Variants in RYK observed in about 807,000 individuals in gnomAD.
RYK encodes the protein receptor like tyrosine kinase, also known as inactive tyrosine-protein kinase RYK.
Under a neutral mutation model 70.2 loss-of-function variants are expected in RYK, and 21 were observed. That is an observed-to-expected ratio of 0.30 (90% CI 0.21 to 0.43). RYK has a LOEUF of 0.43. RYK is among the 20% of genes least tolerant of loss of function. The probability of loss-of-function intolerance (pLI) is 1.00; values close to 1 mark genes in which losing one functional copy is unlikely to be tolerated. For missense variants in RYK, 604 were observed against 753.3 expected (o/e 0.80, Z 2.32); for synonymous variants, 267 against 278.0 (o/e 0.96, Z 0.39).
chr3:134,214,523 C>A (rs554252240), intron 2 of RYK, among the ~76,000 whole-genome samples: 2 of 152,192 alleles, frequency 1.3e-5, no homozygotes, highest in African/African-American at 4.8e-5. Context: ...GTCATATTGG[C>A]ACCTTCAGCT....
intron 6 of RYK, among the ~76,000 whole-genome samples, chr3:134,200,342 A>G (rs1053099827): frequency 8.5e-4 from 129 of 152,304 alleles, no homozygotes; most frequent in African/African-American, 2.9e-3. Context: ...TTTAAGAGCT[A>G]TAACACTCAC....
At chr3:134,171,899 C>T (rs2012925978) in intron 13 of RYK, among the ~76,000 whole-genome samples, 1 of 152,034 alleles carries the variant, frequency 6.6e-6, no homozygotes, top group Admixed American at 6.6e-5. Flanking sequence ...TGGGGGCCTC[C>T]ACTGTGCAAG....
chr3:134,209,329 C>T (rs1468615038), intron 4 of RYK, among the ~76,000 whole-genome samples: 3 of 152,188 alleles, frequency 2.0e-5, no homozygotes, highest in Non-Finnish European at 4.4e-5. Flanking sequence ...CTATCTCACC[C>T]GAGAGCAATG....
At chr3:134,192,044 A>G (rs575814639) in intron 7 of RYK, 70 bp from the exon 8 acceptor site, 1 of 1,492,402 alleles carries the variant, frequency 6.7e-7, no homozygotes, top group African/African-American at 1.4e-5. Flanking sequence ...CAACTAGTTC[A>G]GTTAGAACCT....
chr3:134,163,015 A>G (rs1440710928), intron 13 of RYK, among the ~76,000 whole-genome samples: 2 of 152,254 alleles, frequency 1.3e-5, no homozygotes, highest in African/African-American at 4.8e-5. Context: ...GGTATTTGAG[A>G]TCTGGAGTTG....
At chr3:134,211,663 T>A (rs776639855) in intron 2 of RYK, 56 bp from the exon 3 acceptor site, 160 of 1,139,314 alleles carry the variant, frequency 1.4e-4, no homozygotes, top group Middle Eastern at 5.8e-4. Flanking sequence ...AAGGATACTA[T>A]CAGCTTGACT....
intron 7 of RYK, 78 bp downstream of exon 7, chr3:134,195,004 A>G: frequency 1.0e-6 from 1 of 976,878 alleles, no homozygotes; most frequent in South Asian, 1.4e-5. Flanking sequence ...TCCCACAAGT[A>G]CACTAACCAT....
chr3:134,198,892 T>TG (rs1172372083), intron 6 of RYK, among the ~76,000 whole-genome samples: 3 of 152,102 alleles, frequency 2.0e-5, no homozygotes, highest in African/African-American at 7.2e-5. Context: ...AGTAATGGCA[T>TG]GGGGGCGGTG....
intron 2 of RYK, among the ~76,000 whole-genome samples, chr3:134,219,648 A>G (rs965147330): frequency 3.9e-5 from 6 of 152,360 alleles, no homozygotes; most frequent in Middle Eastern, 6.8e-3. Context: ...TTTGGAGAAT[A>G]TAAGAAGCTT....
At chr3:134,161,729 T>C (rs2012477291) in intron 13 of RYK, among the ~76,000 whole-genome samples, 3 of 152,196 alleles carry the variant, frequency 2.0e-5, no homozygotes, top group African/African-American at 2.4e-5. Flanking sequence ...AACATCTATA[T>C]AGCCCTACAT....
rs2014769423 is a variant in RYK at position 134,222,439 on chromosome 3, G to A, written c.333C>T (p.Phe111=). 6.2e-7 allele frequency: 1 copy of A among 1,613,304 alleles called. No homozygotes were observed. The highest frequency in any genetic ancestry group is 8.5e-7 in the Non-Finnish European group (1 of 1,179,718). ...LVPSETNFLH[F]TWHAKSKVEY... is the part of the protein sequence containing the mutation. ...TTACCTTGGACTTCGCATGCCAGGT[G>A]AAGTGCAGGAAATTTGTCTCACTGG... is the stretch of plus-strand genomic sequence containing the variant. Residue 111 remains phenylalanine, a synonymous_variant, in exon 2 of 15, where the codon TTC becomes TTT. Coordinates refer to ENST00000623711, the MANE Select transcript of RYK (RefSeq NM_002958.4).
chr3:134,170,651 G>C (rs1222342029), intron 13 of RYK: 1 of 153,202 alleles, frequency 6.5e-6, no homozygotes, highest in Non-Finnish European at 1.5e-5. Context: ...CTGGGAAAGA[G>C]AAGTCTAAAT....
At chr3:134,214,075 G>T (rs148587105) in intron 2 of RYK, among the ~76,000 whole-genome samples, 37 of 152,238 alleles carry the variant, frequency 2.4e-4, no homozygotes, top group African/African-American at 8.7e-4. Flanking sequence ...CCACATTGCT[G>T]AGATTACAGG....
intron 5 of RYK, among the ~76,000 whole-genome samples, chr3:134,203,560 C>A (rs2014096990): frequency 6.6e-6 from 1 of 151,530 alleles, no homozygotes; most frequent in African/African-American, 2.4e-5. Context: ...ATGGATTGTA[C>A]CAAAGTAGAA....
At chr3:134,218,329 C>T (rs185082562) in intron 2 of RYK, among the ~76,000 whole-genome samples, 7 of 152,278 alleles carry the variant, frequency 4.6e-5, no homozygotes, top group East Asian at 1.9e-4. Flanking sequence ...GTTAGTACCA[C>T]GTGCTATACC....
At chr3:134,219,767 T>C (rs1444567774) in intron 2 of RYK, among the ~76,000 whole-genome samples, 2 of 152,254 alleles carry the variant, frequency 1.3e-5, no homozygotes, top group Non-Finnish European at 2.9e-5. Context: ...ATAACAGCCT[T>C]ATTGAATGGT....
intron 5 of RYK, among the ~76,000 whole-genome samples, chr3:134,204,040 G>A (rs1181763976): frequency 6.7e-6 from 1 of 148,406 alleles, no homozygotes; most frequent in African/African-American, 2.4e-5. Context: ...TCATTTTGTT[G>A]CCAGGGACCA....
At chr3:134,178,588 AT>A (rs34663520) in intron 10 of RYK, 40,233 of 151,990 alleles carry the variant, frequency 0.26, 5,901 homozygotes, top group Non-Finnish European at 0.33. Context: ...TTAGAATCAG[AT>A]TTTTGAATCC....
intron 2 of RYK, among the ~76,000 whole-genome samples, chr3:134,215,369 A>G (rs1008334823): frequency 3.0e-4 from 45 of 152,220 alleles, no homozygotes; most frequent in Non-Finnish European, 1.2e-4. Flanking sequence ...AGGAGATTTG[A>G]GAAGGCAGCC....
Sources: allele counts gnomAD v4.1 joint callset (sites outside exome capture counted in the v4.1 genomes callset), GRCh38; gene constraint gnomAD v4.1.1; transcripts MANE v1.5; gene names NCBI Gene and HGNC (gene_info 2026-07-23, HGNC 2026-07-21).